Variants in AKAP11 observed in about 807,000 individuals in gnomAD.
The protein encoded by AKAP11 is A-kinase anchor protein 11.
A neutral mutation model predicts 146.1 loss-of-function variants in AKAP11; 36 were observed. The ratio of observed to expected loss-of-function variants is 0.25; its 90% confidence interval spans 0.19 to 0.33. The LOEUF is 0.33. AKAP11 is among the 10% of genes least tolerant of loss of function. The pLI is 1.00. For missense variants in AKAP11, 2,201 were observed against 2,197.0 expected (o/e 1.00, Z -0.04); for synonymous variants, 780 against 786.5 (o/e 0.99, Z 0.14).
intron 9 of AKAP11, 84 bp downstream of exon 9, chr13:42,308,693 A>T: frequency 8.9e-7 from 1 of 1,128,120 alleles, no homozygotes; most frequent in Non-Finnish European, 1.2e-6. Flanking sequence ...TTATTTAAAA[A>T]TTCTAAATTT....
rs569536003 is a variant in AKAP11 at position 42,273,629 on chromosome 13, A to G, written c.-100+1401A>G. On this transcript the variant is annotated intron_variant, in intron 1 of 12. Transcript: ENST00000025301. ...GGGCCTAGCAGTGGACTCCTAGGCC[A>G]GTGATATTTTGCAGTTGTTGAGGAT... Among the ~76,000 whole-genome samples, 3 of 152,290 alleles carry G rather than the reference A, an allele frequency of 2.0e-5. No individual in the cohort carries two copies. In the South Asian group the frequency reaches 6.2e-4, roughly 32 times the overall value.
upstream of AKAP11, among the ~76,000 whole-genome samples, chr13:42,271,986 G>T (rs1958776459): frequency 6.6e-6 from 1 of 151,122 alleles, no homozygotes; most frequent in Non-Finnish European, 1.5e-5. Context: ...CTCGCGAGAG[G>T]CGCGCTGCCC....
intron 9 of AKAP11, among the ~76,000 whole-genome samples, 172 bp from the exon 10 acceptor site, chr13:42,312,875 A>C (rs186972506): frequency 1.3e-5 from 2 of 152,236 alleles, no homozygotes; most frequent in Non-Finnish European, 1.5e-5. Context: ...TGAACTTGTC[A>C]GGCACCTTTT....
rs146756118 is a variant in AKAP11, at chr13:42,316,703, C to T, written c.5405-825C>T. Among the ~76,000 whole-genome samples the T allele has an allele frequency of 5.3e-5, 8 of 152,274 alleles. No individual in the cohort carries two copies. The East Asian group carries it at 1.5e-3, about 29-fold the overall frequency. On this transcript the variant is annotated intron_variant, in intron 11 of 12. Transcript: ENST00000025301. ...ACTTCCCCACTGGAAGACTCTGGGGCTCTCTTTGCCTCAGATCTCTCACCT... is the reference window on the plus strand; with the variant it reads ...ACTTCCCCACTGGAAGACTCTGGGGTTCTCTTTGCCTCAGATCTCTCACCT...
chr13:42,290,930 G>A (rs1959202241), intron 3 of AKAP11, among the ~76,000 whole-genome samples: 1 of 152,166 alleles, frequency 6.6e-6, no homozygotes, highest in African/African-American at 2.4e-5. Flanking sequence ...GCTGGGTGCT[G>A]ACTATGCTCA....
chr13:42,311,596 G>T (rs1465051495), intron 9 of AKAP11, among the ~76,000 whole-genome samples: 1 of 150,734 alleles, frequency 6.6e-6, no homozygotes, highest in Non-Finnish European at 1.5e-5. Context: ...TCGTTTAGCT[G>T]TTTTTTTTTA....
At chr13:42,306,912 C>T (rs1279098942) in intron 8 of AKAP11, among the ~76,000 whole-genome samples, 1 of 152,152 alleles carries the variant, frequency 6.6e-6, no homozygotes, top group African/African-American at 2.4e-5. Flanking sequence ...TCTTGAATTC[C>T]TGAGCTCAAG....
chr13:42,271,956 G>A (rs1443263762), upstream of AKAP11, among the ~76,000 whole-genome samples: 3 of 151,546 alleles, frequency 2.0e-5, no homozygotes, highest in Admixed American at 6.6e-5. Flanking sequence ...CTTTTGCGCG[G>A]GCTCGGCCGC....
chr13:42,299,562 T>A lies in AKAP11; in HGVS notation c.816T>A (p.Ile272=). The A allele has an allele frequency of 6.2e-7, 1 of 1,614,008 alleles. No individual in the cohort carries two copies. The highest frequency in any genetic ancestry group is 8.5e-7 in the Non-Finnish European group (1 of 1,179,900). Residue 272 remains isoleucine, a synonymous_variant, in exon 8 of 13, where the codon ATT becomes ATA. Coordinates refer to ENST00000025301, the MANE Select transcript of AKAP11 (RefSeq NM_016248.4). ...TGAAAACTTCAGTCACAACATCAAT[T>A]TCAGAGCCTTGGACCCAAAGGAGTT... ...PSVKTSVTTS[I]SEPWTQRSFY... is the part of the protein sequence containing the mutation.
chr13:42,274,734 G>T (rs1216468401), intron 1 of AKAP11, among the ~76,000 whole-genome samples: 1 of 152,222 alleles, frequency 6.6e-6, no homozygotes, highest in Non-Finnish European at 1.5e-5. Context: ...GAAATTTGTA[G>T]ATTAGAGACT....
chr13:42,280,533 T>C (rs1334378469), intron 1 of AKAP11, among the ~76,000 whole-genome samples: 1 of 152,242 alleles, frequency 6.6e-6, no homozygotes, highest in Non-Finnish European at 1.5e-5. Flanking sequence ...CTTTGAACTT[T>C]GTTCTTTAAA....
intron 1 of AKAP11, 26 bp from the exon 2 acceptor site, chr13:42,285,959 AT>A (rs1330935479): frequency 6.5e-6 from 1 of 153,320 alleles, no homozygotes; most frequent in Non-Finnish European, 1.5e-5. Flanking sequence ...TATTTTTAAA[AT>A]GTTTTTTAAA....
intron 12 of AKAP11, among the ~76,000 whole-genome samples, chr13:42,318,037 G>C (rs1040342946): frequency 1.3e-5 from 2 of 152,144 alleles, no homozygotes; most frequent in African/African-American, 4.8e-5. Context: ...GTGTTCCTAT[G>C]AAAAAATTGA....
rs915349121 is a variant in AKAP11, at chr13:42,295,678, A to G, written c.169-17A>G. ...TAAAAATTCAAATTAATGGAGGTTT[A>G]TTTGTTCTTTACTCAGGTCACATTT... On this transcript the variant is annotated splice_polypyrimidine_tract_variant and intron_variant, in intron 4 of 12. Transcript: ENST00000025301. 3 of 1,610,700 alleles carry G rather than the reference A, an allele frequency of 1.9e-6. No homozygotes were observed. The highest frequency in any genetic ancestry group is 1.3e-5 in the African/African-American group (1 of 74,746).
At chr13:42,297,323 A>G (rs910517549) in intron 6 of AKAP11, 141 bp downstream of exon 6, 55 of 596,548 alleles carry the variant, frequency 9.2e-5, no homozygotes, top group South Asian at 1.0e-4. Context: ...CATAAGAAAT[A>G]TAACTCATGA....
rs756634186 is a variant in AKAP11 at position 42,303,049 on chromosome 13, T to C, written c.4303T>C (p.Cys1435Arg). ...RQSKRNEGYF[C>R]KNQTCERTLD... is the part of the protein sequence containing the mutation. ...AAGTAAAAGAAATGAAGGTTACTTT[T>C]GTAAAAATCAAACTTGTGAAAGGAC... The change falls in exon 8 of 13, where the codon TGT becomes CGT. Residue 1435 changes from cysteine to arginine, a missense_variant. By Grantham distance (180) the Cys-to-Arg change is radical (BLOSUM62 -3). Transcript: ENST00000025301. The C allele has an allele frequency of 1.2e-5, 20 of 1,612,588 alleles. No individual in the cohort carries two copies. The Middle Eastern group carries it at 8.2e-4, about 66-fold the overall frequency.
At chr13:42,276,154 T>G (rs1322990184) in intron 1 of AKAP11, among the ~76,000 whole-genome samples, 3 of 152,234 alleles carry the variant, frequency 2.0e-5, no homozygotes, top group Non-Finnish European at 4.4e-5. Context: ...TTTCAGGTTC[T>G]CTATATGTGG....
At chr13:42,308,804 A>G (rs1458968624) in intron 9 of AKAP11, among the ~76,000 whole-genome samples, 195 bp downstream of exon 9, 3 of 152,156 alleles carry the variant, frequency 2.0e-5, no homozygotes, top group Non-Finnish European at 4.4e-5. Flanking sequence ...AGCTAATTTT[A>G]TTGGGGTGTG....
chr13:42,273,302 A>T (rs1958825648), intron 1 of AKAP11, among the ~76,000 whole-genome samples: 1 of 152,040 alleles, frequency 6.6e-6, no homozygotes, highest in Non-Finnish European at 1.5e-5. Context: ...TCATTTTAGG[A>T]TGGCAGCCCA....
Sources: gnomAD v4.1 joint callset for allele counts (sites outside exome capture counted in the v4.1 genomes callset) on GRCh38, gnomAD v4.1.1 for gene constraint, MANE v1.5 for transcripts, NCBI Gene and HGNC (gene_info 2026-07-23, HGNC 2026-07-21) for gene names.